Variants in BIRC6 observed in about 807,000 individuals in gnomAD.
BIRC6 encodes baculoviral IAP repeat containing 6.
In BIRC6, 98 loss-of-function variants were observed where a neutral mutation model predicts 503.3. The ratio of observed to expected loss-of-function variants is 0.19; its 90% CI spans 0.17 to 0.23. The LOEUF (loss-of-function observed/expected upper bound fraction) is 0.23, where lower values mean the gene tolerates loss of function less well. BIRC6 is among the 10% of genes least tolerant of loss of function. The pLI is 1.00. For missense variants in BIRC6, 5,360 were observed against 5,806.0 expected, an observed-to-expected ratio of 0.92 and a Z score of 2.50; for synonymous variants, 2,240 against 2,078.7, an observed-to-expected ratio of 1.08 and a Z score of -2.11.
chr2:32,610,773 C>T (rs1412194039), intron 72 of BIRC6, among the ~76,000 whole-genome samples: 4 of 152,036 alleles, frequency 2.6e-5, no homozygotes, highest in African/African-American at 7.2e-5. Context: ...CTCCTCTCTT[C>T]TTTTCTTTTC....
In BIRC6 at chr2:32,525,563, G is replaced by T; in HGVS notation, c.11855G>T (p.Gly3952Val). The part of the protein sequence containing the change: ...TIPDKIGSTS[G>V]AEAANKIITV... The stretch of plus-strand genomic sequence containing the variant: ...CCTGATAAAATAGGAAGTACTTCAG[G>T]AGCAGAGGCTGCCAACAAAATAATT... Residue 3952 changes from glycine to valine, a missense_variant, in exon 59 of 74, where the codon GGA (glycine) becomes GTA (valine). Physicochemically the swap from Gly to Val is moderately radical, Grantham distance 109 (BLOSUM62 -3). Coordinates refer to ENST00000421745, the MANE Select transcript of BIRC6 (RefSeq NM_016252.4). The T allele has an allele frequency of 6.2e-7, 1 of 1,613,956 alleles. No homozygotes were observed. The highest frequency in any genetic ancestry group is 1.1e-5 in the South Asian group (1 of 91,072).
intron 65 of BIRC6, among the ~76,000 whole-genome samples, chr2:32,550,956 G>GA (rs954590721): frequency 8.1e-4 from 123 of 152,006 alleles, no homozygotes; most frequent in African/African-American, 2.8e-3. Context: ...TATTTTCCTG[G>GA]AAAAAAGAAA....
At chr2:32,464,303 T>C (rs1376999709) in intron 24 of BIRC6, among the ~76,000 whole-genome samples, 1 of 152,212 alleles carries the variant, frequency 6.6e-6, no homozygotes, top group Non-Finnish European at 1.5e-5. Context: ...AGTTCCCAAA[T>C]GCACAGGAAA....
intron 4 of BIRC6, among the ~76,000 whole-genome samples, chr2:32,389,487 C>T (rs2038932513): frequency 6.6e-6 from 1 of 151,826 alleles, no homozygotes; most frequent in South Asian, 2.1e-4. Context: ...ATACCTAAAC[C>T]ATCATTTTCT....
Position 32,602,901 on chromosome 2 carries a change from CTG to C in BIRC6, c.13993-104_13993-103del, listed in dbSNP as rs930834732. On this transcript the variant is annotated intron_variant, in intron 70 of 73. Coordinates refer to ENST00000421745, the MANE Select transcript of BIRC6 (RefSeq NM_016252.4). ...GGTTTTATCTAGGGGACATATAAAA[CTG>C]AGATATTTTGACAGGATAGCATTTT... 3.5e-5 allele frequency: 31 copies of C among 887,362 alleles called. No individual in the cohort carries two copies. In the Admixed American group the frequency reaches 4.6e-4, roughly 13 times the overall value. The allele number at this position is 887,362 out of a possible 1,614,324, so 55.0% of individuals were successfully genotyped here.
At chr2:32,598,138 C>CT (rs1174449682) in intron 69 of BIRC6, among the ~76,000 whole-genome samples, 170 bp downstream of exon 69, 318 of 143,416 alleles carry the variant, frequency 2.2e-3, no homozygotes, top group Middle Eastern at 3.5e-3. Flanking sequence ...CCCTCCCCCC[C>CT]TTTTTTTTTT....
In BIRC6 at chr2:32,436,105, G is replaced by A; in HGVS notation, c.3552G>A (p.Gly1184=). The change falls in exon 15 of 74, where the codon GGG becomes GGA. Residue 1184 remains glycine, a synonymous_variant. Transcript: ENST00000421745. Reference sequence around the variant, plus strand: ...ATCATAAAGAAGACATTCTATGTGGGCCAGTATGGCTTGCTAGTGGCCTTG... The same window carrying A: ...ATCATAAAGAAGACATTCTATGTGGACCAGTATGGCTTGCTAGTGGCCTTG... ...LEDHKEDILC[G]PVWLASGLDL... 3 of 1,498,772 alleles carry A rather than the reference G, an allele frequency of 2.0e-6. No homozygotes were observed. Among genetic ancestry groups the A allele is most frequent in the Non-Finnish European group, 2.7e-6 (3 of 1,110,018 alleles). 92.8% of individuals were successfully genotyped at this position (1,498,772 alleles called of 1,614,324 possible). A position where few individuals can be genotyped will look rare whatever the true frequency, so the allele number is the denominator to read the frequency against.
Position 32,481,436 on chromosome 2 carries a change from G to T in BIRC6, c.7525G>T (p.Ala2509Ser). The change falls in exon 38 of 74, where the codon GCA becomes TCA. Residue 2509 changes from alanine to serine, a missense_variant. This residue lies in a region of BIRC6 where 2,299 missense variants were observed against 2,267.2 expected (regional missense o/e 1.01). Coordinates refer to ENST00000421745, the MANE Select transcript of BIRC6 (RefSeq NM_016252.4). ...TATTGATTTGGAAAAGGACCCTCTT[G>T]CAGCCAAGGTTTTTAAGGTATGATA... ...LDIDLEKDPL[A>S]AKVFKPISST... is the part of the protein sequence containing the mutation. The T allele has an allele frequency of 6.2e-7, 1 of 1,611,348 alleles. No homozygotes were observed. The highest frequency in any genetic ancestry group is 1.1e-5 in the South Asian group (1 of 90,690).
rs2041258812 is a variant in BIRC6 at position 32,406,699 on chromosome 2, G to A, written c.1477+142G>A. On this transcript the variant is annotated intron_variant, in intron 9 of 73. Coordinates refer to ENST00000421745, the MANE Select transcript of BIRC6 (RefSeq NM_016252.4). ...TATACACAGAAGACTGAAATATTGT[G>A]TGTCAGAGATCTCAAATTAGTAGTA... The A allele has an allele frequency of 5.4e-6, 3 of 553,116 alleles. No individual in the cohort carries two copies. The South Asian group carries it at 8.0e-5, about 15-fold the overall frequency. The allele number at this position is 553,116 out of a possible 1,614,324, so 34.3% of individuals were successfully genotyped here. A position where few individuals can be genotyped will look rare whatever the true frequency, so the allele number is the denominator to read the frequency against.
At chr2:32,535,629 A>G (rs1457875705) in intron 61 of BIRC6, among the ~76,000 whole-genome samples, 1 of 152,224 alleles carries the variant, frequency 6.6e-6, no homozygotes, top group African/African-American at 2.4e-5. Flanking sequence ...TACAAAGGAC[A>G]TGAACTCATC....
At chr2:32,548,422 G>A (rs960160888) in intron 64 of BIRC6, among the ~76,000 whole-genome samples, 1 of 138,064 alleles carries the variant, frequency 7.2e-6, no homozygotes, top group East Asian at 2.1e-4. Flanking sequence ...AGGCTGGAGT[G>A]CAGTGGCGTG....
intron 1 of BIRC6, among the ~76,000 whole-genome samples, chr2:32,376,977 G>T (rs913415171): frequency 6.6e-6 from 1 of 152,116 alleles, no homozygotes; most frequent in African/African-American, 2.4e-5. Flanking sequence ...CTGCAGATAA[G>T]GAGGGGCACT....
intron 4 of BIRC6, among the ~76,000 whole-genome samples, chr2:32,391,024 A>G (rs777814763): frequency 9.2e-5 from 14 of 152,118 alleles, no homozygotes; most frequent in South Asian, 2.1e-4. Flanking sequence ...TATGCCTGAG[A>G]TGGGAAAAAA....
intron 31 of BIRC6, 149 bp downstream of exon 31, chr2:32,470,450 T>C: frequency 2.8e-6 from 2 of 714,726 alleles, no homozygotes; most frequent in Non-Finnish European, 4.3e-6. Context: ...GCAACCCTCA[T>C]GTGATTGACT....
At position 32,515,352 on chromosome 2, in the gene BIRC6, T is replaced by G. The variant is rs370098179; in HGVS notation, c.10931T>G (p.Phe3644Cys). The change falls in exon 55 of 74, where the codon TTT becomes TGT. Residue 3644 changes from phenylalanine (F) to cysteine (C), a missense_variant. By Grantham distance (205) the Phe-to-Cys change is radical (BLOSUM62 -2). This residue lies in a region of BIRC6 where 878 missense variants were observed against 928.9 expected (regional missense o/e 0.95). Transcript: ENST00000421745. The part of the protein sequence containing the change: ...LLVRSLASFC[F>C]SHISSSESIA... ...GTGAGGAGTCTGGCTAGTTTCTGCT[T>G]TAGCCACATTTCTAGCTCAGAAAGC... The G allele has an allele frequency of 9.9e-6, 16 of 1,613,626 alleles. No homozygotes were observed. The highest frequency in any genetic ancestry group is 1.6e-4 in the Middle Eastern group (1 of 6,084).
intron 16 of BIRC6, among the ~76,000 whole-genome samples, chr2:32,441,009 C>G (rs1341549608): frequency 6.6e-6 from 1 of 152,026 alleles, no homozygotes; most frequent in Admixed American, 6.6e-5. Flanking sequence ...ATCTGTCTGC[C>G]TCGGCCTCCC....
At chr2:32,427,289 A>ATT (rs58941424) in intron 10 of BIRC6, among the ~76,000 whole-genome samples, 1 of 148,258 alleles carries the variant, frequency 6.7e-6, no homozygotes, top group Non-Finnish European at 1.5e-5. Flanking sequence ...ATTTTATTTT[A>ATT]TTTTTTTTTT....
intron 2 of BIRC6, chr2:32,379,728 A>G (rs947710824): frequency 6.5e-6 from 1 of 153,898 alleles, no homozygotes; most frequent in Non-Finnish European, 1.4e-5. Context: ...GTGGATAACA[A>G]TGCAAAGGGC....
intron 26 of BIRC6, among the ~76,000 whole-genome samples, chr2:32,465,914 T>TGC (rs70938347): frequency 0.23 from 35,499 of 152,026 alleles, 4,977 homozygotes; most frequent in East Asian, 0.57. Flanking sequence ...CAGTATTTTC[T>TGC]GCCCAACTAA....
Sources: allele counts gnomAD v4.1 joint callset (sites outside exome capture counted in the v4.1 genomes callset), GRCh38; gene constraint gnomAD v4.1.1; regional missense constraint gnomAD v4.1.1; transcripts MANE v1.5; gene names NCBI Gene and HGNC (gene_info 2026-07-23, HGNC 2026-07-21).